The following FNBP1L variants were observed in gnomAD, a reference collection of about 807,000 sequenced individuals.
FNBP1L encodes the protein formin binding protein 1 like, also known as formin-binding protein 1-like.
In FNBP1L, 36 loss-of-function variants were observed where a neutral mutation model predicts 91.2. The observed-to-expected ratio is 0.39, with a 90% confidence interval of 0.30 to 0.52. The LOEUF is 0.52. Ranked by LOEUF, FNBP1L falls within the 20% of genes least tolerant of loss-of-function variation. The pLI, the probability that FNBP1L is intolerant of heterozygous loss-of-function variation, is 0.66. For synonymous variants in FNBP1L, 242 were observed against 237.0 expected, an observed-to-expected ratio of 1.02 and a Z score of -0.19; for missense variants, 571 against 732.1, an observed-to-expected ratio of 0.78 and a Z score of 2.54.
chr1:93,506,437 C>G (rs897002642), intron 2 of FNBP1L, among the ~76,000 whole-genome samples: 3 of 152,016 alleles, frequency 2.0e-5, no homozygotes, highest in African/African-American at 7.2e-5. Context: ...TCTCGTTGGC[C>G]CAGCTATTTT....
intron 1 of FNBP1L, among the ~76,000 whole-genome samples, chr1:93,495,468 A>G (rs1307690952): frequency 6.6e-6 from 1 of 152,226 alleles, no homozygotes; most frequent in African/African-American, 2.4e-5. Context: ...ATTTGTAGGT[A>G]TGCAAAGAAA....
At chr1:93,551,816 T>C (rs1418996291) in intron 16 of FNBP1L, 1 of 985,308 alleles carries the variant, frequency 1.0e-6, no homozygotes, top group Non-Finnish European at 1.2e-6. Flanking sequence ...TAATTTTCAA[T>C]AATTTACAAG....
rs115393610 is a variant in FNBP1L, at chr1:93,464,617, C to G, written c.24+16312C>G. On this transcript the variant is annotated intron_variant, in intron 1 of 16. Transcript: ENST00000271234. ...AATTTCAATCATAATATGTTGTTTT[C>G]TTTTCTACAAGTACTATTTTGTTCT... Among the ~76,000 whole-genome samples, 1,431 of 151,976 alleles carry G rather than the reference C, an allele frequency of 9.4e-3. 12 individuals are homozygous for G. Among genetic ancestry groups the G allele is most frequent in the Non-Finnish European group, 0.015 (1,027 of 67,932 alleles).
intron 5 of FNBP1L, among the ~76,000 whole-genome samples, chr1:93,528,795 A>G (rs1010743987): frequency 6.6e-6 from 1 of 152,136 alleles, no homozygotes; most frequent in African/African-American, 2.4e-5. Flanking sequence ...AATGTGTTAG[A>G]ATTAACTGCA....
At chr1:93,507,924 C>T (rs1221482599) in intron 2 of FNBP1L, among the ~76,000 whole-genome samples, 1 of 149,562 alleles carries the variant, frequency 6.7e-6, no homozygotes, top group South Asian at 2.1e-4. Flanking sequence ...GCTAGGATTA[C>T]AGGTGTGAGC....
intron 11 of FNBP1L, 126 bp downstream of exon 11, chr1:93,541,182 A>G (rs919655473): frequency 1.2e-6 from 1 of 865,938 alleles, no homozygotes; most frequent in Non-Finnish European, 1.8e-6. Context: ...TTTTCTTTTT[A>G]TAGTTTCATA....
chr1:93,524,308 G>A lies in FNBP1L; in HGVS notation c.390G>A (p.Trp130Ter). ...RKAQQYLDMCWKQMDNSKKKF... is the reference protein window; with the variant it reads ...RKAQQYLDMC ...CTCAACAATATCTTGACATGTGCTG[G>A]AAACAGATGGATAATGTGAGTTATG... The change falls in exon 5 of 17, where the codon TGG (tryptophan) becomes TGA (stop). Residue 130 changes from tryptophan to a stop codon, truncating the protein, a stop_gained. Coordinates refer to ENST00000271234, the MANE Select transcript of FNBP1L (RefSeq NM_001164473.3). LOFTEE classifies it high-confidence loss of function. The A allele has an allele frequency of 6.6e-7, 1 of 1,506,728 alleles. No homozygotes were observed. The highest frequency in any genetic ancestry group is 2.6e-5 in the East Asian group (1 of 38,776). 93.3% of individuals were successfully genotyped at this position (1,506,728 alleles called of 1,614,324 possible). A position where few individuals can be genotyped will look rare whatever the true frequency, so the allele number is the denominator to read the frequency against.
At chr1:93,461,095 T>C (rs145974826) in intron 1 of FNBP1L, among the ~76,000 whole-genome samples, 2 of 152,332 alleles carry the variant, frequency 1.3e-5, no homozygotes, top group East Asian at 3.9e-4. Context: ...ATTCCAGGAC[T>C]CTGGAAAGAT....
intron 10 of FNBP1L, 61 bp from the exon 11 acceptor site, chr1:93,540,981 T>C: frequency 6.9e-7 from 1 of 1,449,246 alleles, no homozygotes. Flanking sequence ...TTGCATCTTC[T>C]GTATTATGGT....
chr1:93,502,797 C>G (rs1670481085), intron 2 of FNBP1L, among the ~76,000 whole-genome samples: 1 of 152,100 alleles, frequency 6.6e-6, no homozygotes, highest in Admixed American at 6.5e-5. Context: ...TCAACAAGGG[C>G]AGAATTATTG....
intron 1 of FNBP1L, among the ~76,000 whole-genome samples, chr1:93,460,330 A>G (rs1437943020): frequency 6.6e-6 from 1 of 152,198 alleles, no homozygotes; most frequent in Non-Finnish European, 1.5e-5. Flanking sequence ...AGCAGCCTTC[A>G]CCAGATACCA....
chr1:93,534,378 T>G (rs897684870), intron 8 of FNBP1L, among the ~76,000 whole-genome samples: 1 of 152,144 alleles, frequency 6.6e-6, no homozygotes, highest in African/African-American at 2.4e-5. Flanking sequence ...GTTAATAACC[T>G]CTTTCTGTAT....
intron 1 of FNBP1L, among the ~76,000 whole-genome samples, chr1:93,465,367 C>G (rs1246042544): frequency 6.6e-6 from 1 of 151,984 alleles, no homozygotes; most frequent in East Asian, 1.9e-4. Flanking sequence ...TCCCACCCCC[C>G]AACAGGCCGC....
chr1:93,449,199 C>T (rs1668392988), intron 1 of FNBP1L, among the ~76,000 whole-genome samples: 1 of 152,086 alleles, frequency 6.6e-6, no homozygotes, highest in African/African-American at 2.4e-5. Flanking sequence ...AAGGTACGGG[C>T]GGAGGGTAAT....
chr1:93,466,188 A>C (rs543087173), intron 1 of FNBP1L, among the ~76,000 whole-genome samples: 2 of 152,156 alleles, frequency 1.3e-5, no homozygotes, highest in Admixed American at 6.5e-5. Flanking sequence ...TTTGCCATGC[A>C]GAAGCTCTTT....
rs755230307 is a variant in FNBP1L at position 93,551,154 on chromosome 1, G to A, written c.1810+49G>A. 3.4e-6 allele frequency: 5 copies of A among 1,487,422 alleles called. No individual in the cohort carries two copies. In the African/African-American group the frequency reaches 7.0e-5, roughly 21 times the overall value. The allele number at this position is 1,487,422 out of a possible 1,614,324, so 92.1% of individuals were successfully genotyped here. ...AACCAGGCACCTTTGTGCCATGTGTGACATAGGAAGAGTAACATAAAATGA... is the reference window on the plus strand; with the variant it reads ...AACCAGGCACCTTTGTGCCATGTGTAACATAGGAAGAGTAACATAAAATGA... On this transcript the variant is annotated intron_variant, in intron 16 of 16. Coordinates refer to ENST00000271234, the MANE Select transcript of FNBP1L (RefSeq NM_001164473.3).
chr1:93,549,521 A>G (rs1181268425), intron 15 of FNBP1L, 95 bp downstream of exon 15: 5 of 951,666 alleles, frequency 5.3e-6, no homozygotes, highest in Middle Eastern at 2.3e-4. Context: ...TTTAAGTAAT[A>G]TATGTTGTCA....
chr1:93,475,940 T>C (rs1042085511), intron 1 of FNBP1L, among the ~76,000 whole-genome samples: 1 of 152,206 alleles, frequency 6.6e-6, no homozygotes. Context: ...TTTCTACATA[T>C]TCTGTGTTTT....
chr1:93,548,435 T>G (rs1557823189), intron 14 of FNBP1L, among the ~76,000 whole-genome samples: 1 of 152,230 alleles, frequency 6.6e-6, no homozygotes, highest in African/African-American at 2.4e-5. Context: ...TTACCTGCTT[T>G]TTTGGATTTT....
Sources: allele counts gnomAD v4.1 joint callset (sites outside exome capture counted in the v4.1 genomes callset), GRCh38; gene constraint gnomAD v4.1.1; transcripts MANE v1.5; gene names NCBI Gene and HGNC (gene_info 2026-07-23, HGNC 2026-07-21).